PGAP4: variants seen among roughly 807,000 people sequenced by gnomAD.
PGAP4 encodes the protein post-GPI attachment to proteins GalNAc transferase 4.
In PGAP4, 12 loss-of-function variants were observed where a neutral mutation model predicts 28.2. That is an observed-to-expected ratio of 0.42 (90% CI 0.27 to 0.69). The LOEUF (loss-of-function observed/expected upper bound fraction) is 0.69, where lower values mean the gene tolerates loss of function less well. PGAP4 is among the 30% of genes least tolerant of loss of function. The pLI, the probability that PGAP4 is intolerant of heterozygous loss-of-function variation, is 0.22. For synonymous variants in PGAP4, 205 were observed against 211.8 expected, an observed-to-expected ratio of 0.97 and a Z score of 0.28; for missense variants, 425 against 513.5, an observed-to-expected ratio of 0.83 and a Z score of 1.67.
chr9:101,493,686 G>A (rs1327580331), intron 2 of PGAP4, among the ~76,000 whole-genome samples: 2 of 152,136 alleles, frequency 1.3e-5, no homozygotes, highest in Non-Finnish European at 2.9e-5. Flanking sequence ...GCTGTTTACA[G>A]CATGAAAACA....
chr9:101,522,192 T>A (rs1826994711), intron 2 of PGAP4, among the ~76,000 whole-genome samples: 1 of 152,174 alleles, frequency 6.6e-6, no homozygotes, highest in Non-Finnish European at 1.5e-5. Flanking sequence ...ATTCTCCGAT[T>A]GTTGGATGAA....
At chr9:101,511,345 G>A (rs997839101) in intron 2 of PGAP4, among the ~76,000 whole-genome samples, 10 of 152,144 alleles carry the variant, frequency 6.6e-5, no homozygotes, top group Admixed American at 3.9e-4. Context: ...TATAGCAGGG[G>A]TCTCCAAACC....
chr9:101,515,674 A>G (rs879693304), intron 2 of PGAP4, among the ~76,000 whole-genome samples: 28 of 152,140 alleles, frequency 1.8e-4, no homozygotes, highest in Non-Finnish European at 3.4e-4. Context: ...CTTATTCATA[A>G]ATGTATTAGG....
chr9:101,527,082 T>G (rs901052536), intron 2 of PGAP4, among the ~76,000 whole-genome samples: 2 of 152,334 alleles, frequency 1.3e-5, no homozygotes, highest in South Asian at 2.1e-4. Flanking sequence ...TTAAGATCAG[T>G]GTTTCCTGAA....
chr9:101,520,396 T>C (rs1826979090), intron 2 of PGAP4, among the ~76,000 whole-genome samples: 1 of 152,214 alleles, frequency 6.6e-6, no homozygotes, highest in Admixed American at 6.5e-5. Flanking sequence ...TCAGCAGTGT[T>C]TTATAATTTT....
At chr9:101,503,582 C>T (rs868193012) in intron 2 of PGAP4, among the ~76,000 whole-genome samples, 3 of 151,882 alleles carry the variant, frequency 2.0e-5, no homozygotes, top group Non-Finnish European at 4.4e-5. Context: ...CACAGGGAGC[C>T]ATTTTTTTCA....
At chr9:101,517,149 T>C (rs1426603793) in intron 2 of PGAP4, among the ~76,000 whole-genome samples, 1 of 152,156 alleles carries the variant, frequency 6.6e-6, no homozygotes, top group Non-Finnish European at 1.5e-5. Context: ...ATGAGGACTG[T>C]TTGTATATAA....
chr9:101,506,370 G>A (rs1826848813), intron 2 of PGAP4, among the ~76,000 whole-genome samples: 1 of 152,078 alleles, frequency 6.6e-6, no homozygotes. Context: ...AGCTGTGGAG[G>A]TATGAAATCA....
chr9:101,485,147 ATCTC>A (rs991518191), intron 1 of PGAP4, among the ~76,000 whole-genome samples: 1 of 152,124 alleles, frequency 6.6e-6, no homozygotes, highest in African/African-American at 2.4e-5. Flanking sequence ...TTTGGCATCT[ATCTC>A]TCTCTGCATT....
intron 2 of PGAP4, among the ~76,000 whole-genome samples, chr9:101,530,993 T>C (rs1028418546): frequency 6.6e-6 from 1 of 152,146 alleles, no homozygotes; most frequent in East Asian, 1.9e-4. Context: ...TCCAATCAGT[T>C]GAGAGCCTTA....
In PGAP4 at chr9:101,476,667, G is replaced by A; in HGVS notation, c.426C>T (p.Phe142=). The A allele has an allele frequency of 6.8e-6, 11 of 1,614,190 alleles. No individual in the cohort carries two copies. Among genetic ancestry groups the A allele is most frequent in the East Asian group, 2.2e-5 (1 of 44,872 alleles). ...TCACACTACGCTCCACGTTGCACAG[G>A]AAGAGTTGGTGCCCCTCGCACTGGG... ...CGPQCEGHQL[F]LCNVERSVSH... The change falls in exon 2 of 2, where the codon TTC becomes TTT. Residue 142 remains phenylalanine (F), a synonymous_variant. Coordinates refer to ENST00000374848, the MANE Select transcript of PGAP4 (RefSeq NM_032342.3). The surrounding 1 kb of genome is among the most constrained non-coding windows in gnomAD (Gnocchi z 7.0).
At chr9:101,522,355 C>A (rs1466222166) in intron 2 of PGAP4, among the ~76,000 whole-genome samples, 2 of 152,076 alleles carry the variant, frequency 1.3e-5, no homozygotes, top group Non-Finnish European at 2.9e-5. Context: ...TGTTTCATTT[C>A]TTAGGTCTAT....
intron 2 of PGAP4, among the ~76,000 whole-genome samples, chr9:101,507,445 G>A (rs1483701056): frequency 6.6e-6 from 1 of 152,076 alleles, no homozygotes; most frequent in African/African-American, 2.4e-5. Flanking sequence ...AGACAACTTT[G>A]CAGGTGTTTA....
At chr9:101,482,441 C>T (rs1016446219) in intron 1 of PGAP4, among the ~76,000 whole-genome samples, 5 of 152,136 alleles carry the variant, frequency 3.3e-5, no homozygotes, top group South Asian at 2.1e-4. Flanking sequence ...GAGACTGTGA[C>T]GATGAAGAGA....
chr9:101,506,930 G>A (rs758030487), intron 2 of PGAP4, among the ~76,000 whole-genome samples: 4 of 152,058 alleles, frequency 2.6e-5, no homozygotes, highest in Non-Finnish European at 5.9e-5. Context: ...CCTTTAACAG[G>A]ATAGTTATTT....
intron 1 of PGAP4, among the ~76,000 whole-genome samples, chr9:101,483,368 C>T (rs1312879527): frequency 2.0e-5 from 3 of 152,076 alleles, no homozygotes; most frequent in Admixed American, 6.5e-5. Flanking sequence ...TCTCATCTAT[C>T]GATCCTCATA....
At chr9:101,513,901 T>C (rs1270479133) in intron 2 of PGAP4, among the ~76,000 whole-genome samples, 1 of 152,112 alleles carries the variant, frequency 6.6e-6, no homozygotes, top group Admixed American at 6.5e-5. Context: ...GAGGCCACTG[T>C]TGTGAGTCCT....
chr9:101,494,967 C>T (rs538310148), intron 2 of PGAP4, among the ~76,000 whole-genome samples: 2 of 149,202 alleles, frequency 1.3e-5, no homozygotes, highest in Non-Finnish European at 3.0e-5. Flanking sequence ...ATTAATATAA[C>T]AAACAAATTA....
At chr9:101,491,843 A>T (rs1048415049), upstream of PGAP4, among the ~76,000 whole-genome samples, 1 of 141,506 alleles carries the variant, frequency 7.1e-6, no homozygotes, top group Non-Finnish European at 1.5e-5. Flanking sequence ...ATATATATAT[A>T]TATATTCTTT....
Sources: gnomAD v4.1 joint callset for allele counts (sites outside exome capture counted in the v4.1 genomes callset) on GRCh38, gnomAD v4.1.1 for gene constraint, Gnocchi (gnomAD v3.1) non-coding constraint, MANE v1.5 for transcripts, NCBI Gene and HGNC (gene_info 2026-07-23, HGNC 2026-07-21) for gene names.